Variants in PLEKHG7 observed in about 807,000 individuals in gnomAD.
PLEKHG7 encodes the protein pleckstrin homology and RhoGEF domain containing G7, also known as pleckstrin homology domain-containing family G member 7.
A neutral mutation model predicts 85.2 loss-of-function variants in PLEKHG7; 77 were observed. That is an observed-to-expected ratio of 0.90 (90% CI 0.75 to 1.09). PLEKHG7 has a LOEUF of 1.09. PLEKHG7 is among the 50% of genes least tolerant of loss of function. The probability of loss-of-function intolerance (pLI) is 0.00; values close to 1 mark genes in which losing one functional copy is unlikely to be tolerated. For synonymous variants in PLEKHG7, 301 were observed against 302.4 expected (o/e 1.00, Z 0.05); for missense variants, 777 against 804.3 (o/e 0.97, Z 0.41).
chr12:92,742,125 A>G (rs1872375486), intron 9 of PLEKHG7, among the ~76,000 whole-genome samples: 1 of 152,164 alleles, frequency 6.6e-6, no homozygotes, highest in East Asian at 1.9e-4. Context: ...TCTAATTTTA[A>G]TCTAATTTCA....
rs566163000 is a variant in PLEKHG7 at position 92,730,574 on chromosome 12, C to T, written c.658+1454C>T. On this transcript the variant is annotated intron_variant, in intron 4 of 16. Coordinates refer to ENST00000344636, the MANE Select transcript of PLEKHG7 (RefSeq NM_001377329.1). ...GAGTCTCACTCTGTGGCCACCACCA[C>T]GCCTGGCTAATTTTTTTGTACTTTT... 7.3e-4 allele frequency among the ~76,000 whole-genome samples: 111 copies of T among 152,282 alleles called. 2 individuals are homozygous for T. The highest frequency in any genetic ancestry group is 8.3e-4 in the South Asian group (4 of 4,824).
At chr12:92,737,326 T>C in intron 6 of PLEKHG7, 52 bp from the exon 7 acceptor site, 5 of 1,328,446 alleles carry the variant, frequency 3.8e-6, no homozygotes, top group Non-Finnish European at 4.8e-6. Context: ...AGCCAACAGG[T>C]CAATCCACTG....
chr12:92,736,151 T>C (rs1872139604), intron 5 of PLEKHG7, among the ~76,000 whole-genome samples: 1 of 152,146 alleles, frequency 6.6e-6, no homozygotes, highest in Non-Finnish European at 1.5e-5. Flanking sequence ...GTTAAGACTG[T>C]GAAGGCTATG....
chr12:92,741,581 G>A lies in PLEKHG7; in HGVS notation c.1126G>A (p.Val376Met), dbSNP rs370641297. The A allele has an allele frequency of 3.4e-5, 55 of 1,612,110 alleles. No individual in the cohort carries two copies. Among genetic ancestry groups the A allele is most frequent in the East Asian group, 1.3e-4 (6 of 44,784 alleles). Reference protein sequence around the residue: ...EISSSLDFISVLTKYFRGSLC... With the variant: ...EISSSLDFISMLTKYFRGSLC... ...TTCCTCATCACTGGATTTTATTTCC[G>A]TGCTCACAAAGGTAAACTCCTTCTG... The change falls in exon 9 of 17, where the codon GTG becomes ATG. Residue 376 changes from valine to methionine, a missense_variant. Around this residue, in one of 3 missense-constraint regions of PLEKHG7, gnomAD observed 520 missense variants for 544.0 expected, o/e 0.96. Coordinates refer to ENST00000344636, the MANE Select transcript of PLEKHG7 (RefSeq NM_001377329.1).
chr12:92,723,433 A>G (rs923437559), intron 3 of PLEKHG7, among the ~76,000 whole-genome samples: 2 of 152,214 alleles, frequency 1.3e-5, no homozygotes, highest in African/African-American at 4.8e-5. Context: ...ATTAGCACCT[A>G]CCAACACAAA....
intron 5 of PLEKHG7, among the ~76,000 whole-genome samples, chr12:92,736,126 C>A (rs928189642): frequency 6.6e-6 from 1 of 151,952 alleles, no homozygotes; most frequent in East Asian, 1.9e-4. Flanking sequence ...ATCTTAGGGT[C>A]CAGAGTTTGG....
intron 3 of PLEKHG7, among the ~76,000 whole-genome samples, chr12:92,714,433 G>A (rs917870338): frequency 6.6e-6 from 1 of 152,120 alleles, no homozygotes; most frequent in African/African-American, 2.4e-5. Context: ...TCCAATCAAT[G>A]CCCTCACTTT....
Position 92,707,635 on chromosome 12 carries a change from T to C in PLEKHG7, c.508-15T>C, listed in dbSNP as rs186968460. On this transcript the variant is annotated splice_polypyrimidine_tract_variant and intron_variant, in intron 2 of 16. Coordinates refer to ENST00000344636, the MANE Select transcript of PLEKHG7 (RefSeq NM_001377329.1). ...TGAGCAAGACTAAAACATATGTTCT[T>C]AAAATTTATTTCAGGGAGAAGAATT... 53 of 1,612,576 alleles carry C rather than the reference T, an allele frequency of 3.3e-5. No individual in the cohort carries two copies. In the African/African-American group the frequency reaches 6.3e-4, roughly 19 times the overall value.
chr12:92,768,902 C>G, intron 15 of PLEKHG7, 81 bp from the exon 16 acceptor site: 2 of 971,034 alleles, frequency 2.1e-6, no homozygotes, highest in Non-Finnish European at 3.0e-6. Context: ...AGAAAACAAA[C>G]CCCAGATTCT....
intron 9 of PLEKHG7, among the ~76,000 whole-genome samples, chr12:92,742,591 G>GT (rs35922583): frequency 0.79 from 112,674 of 143,118 alleles, 44,461 homozygotes; most frequent in East Asian, 0.94. Context: ...TTGTTGTTTA[G>GT]TTTTTTTTTT....
intron 10 of PLEKHG7, 52 bp from the exon 11 acceptor site, chr12:92,754,038 G>A (rs1466886258): frequency 1.3e-6 from 2 of 1,569,916 alleles, no homozygotes; most frequent in Non-Finnish European, 1.7e-6. Flanking sequence ...GCTTCTTAGT[G>A]GCTCAGTGGG....
In PLEKHG7 at chr12:92,755,944, CA is replaced by C. The variant is rs753310619; in HGVS notation, c.1542+14del. ...TAAAAGGTTTTTCATTCCAGAGGTACAAAAAAAAAATCAATTAGGACTTATG... is the reference window on the plus strand; with the variant it reads ...TAAAAGGTTTTTCATTCCAGAGGTACAAAAAAAAATCAATTAGGACTTATG... On this transcript the variant is annotated splice_donor_5th_base_variant and intron_variant, in intron 12 of 16. Transcript: ENST00000344636. 6,698 of 1,357,968 alleles carry C rather than the reference CA, an allele frequency of 4.9e-3. No individual in the cohort carries two copies. The highest frequency in any genetic ancestry group is 7.4e-3 in the South Asian group (512 of 69,652). The allele number at this position is 1,357,968 out of a possible 1,614,324, so 84.1% of individuals were successfully genotyped here. A position where few individuals can be genotyped will look rare whatever the true frequency, so the allele number is the denominator to read the frequency against.
intron 3 of PLEKHG7, among the ~76,000 whole-genome samples, chr12:92,718,508 A>G (rs1871551756): frequency 6.6e-6 from 1 of 152,240 alleles, no homozygotes. Flanking sequence ...TAGGTGTCCA[A>G]TAAATGTTTA....
In PLEKHG7 at chr12:92,706,610, A is replaced by T. The variant is rs1363561003; in HGVS notation, c.-22A>T. ...CATACGTCTTCTGGAACCTTCTACCAACAGTAGAACCTCTTAGCTTTATGG... is the reference window on the plus strand; with the variant it reads ...CATACGTCTTCTGGAACCTTCTACCTACAGTAGAACCTCTTAGCTTTATGG... On this transcript the variant is annotated 5_prime_UTR_variant, in exon 2 of 17. Coordinates refer to ENST00000344636, the MANE Select transcript of PLEKHG7 (RefSeq NM_001377329.1). 8.3e-6 allele frequency: 13 copies of T among 1,571,424 alleles called. No individual in the cohort carries two copies. The highest frequency in any genetic ancestry group is 1.4e-5 in the African/African-American group (1 of 73,164).
intron 9 of PLEKHG7, among the ~76,000 whole-genome samples, chr12:92,744,800 G>A (rs1487342058): frequency 1.3e-5 from 2 of 151,982 alleles, no homozygotes; most frequent in Non-Finnish European, 2.9e-5. Flanking sequence ...CAGATAGCTA[G>A]GACTACAGGC....
chr12:92,719,882 AAGG>A (rs1369219353), intron 3 of PLEKHG7, among the ~76,000 whole-genome samples: 1 of 152,198 alleles, frequency 6.6e-6, no homozygotes, highest in Non-Finnish European at 1.5e-5. Context: ...AGAAGGAGAG[AAGG>A]AGAATGATGC....
intron 10 of PLEKHG7, among the ~76,000 whole-genome samples, chr12:92,751,430 A>G (rs1399536426): frequency 3.3e-5 from 5 of 152,238 alleles, no homozygotes; most frequent in African/African-American, 1.2e-4. Context: ...CAGTGGTGCT[A>G]TCTTGGCTCA....
intron 15 of PLEKHG7, among the ~76,000 whole-genome samples, chr12:92,765,427 C>T (rs1317998673): frequency 2.6e-5 from 4 of 151,754 alleles, no homozygotes; most frequent in African/African-American, 7.3e-5. Context: ...GTCGGGAGCT[C>T]GAGACCAGCC....
rs138172115 is a variant in PLEKHG7 at position 92,703,729 on chromosome 12, T to C, written c.-162+597T>C. Reference sequence around the variant, plus strand: ...CCTGCTGTTTTTAAAGTTTCTCCATTTCCGCAGTGCATCATGTCGGCAGTT... The same window carrying C: ...CCTGCTGTTTTTAAAGTTTCTCCATCTCCGCAGTGCATCATGTCGGCAGTT... On this transcript the variant is annotated intron_variant, in intron 1 of 16. Transcript: ENST00000344636. Among the ~76,000 whole-genome samples, 586 of 152,356 alleles carry C rather than the reference T, an allele frequency of 3.8e-3. 2 individuals are homozygous for C. The highest frequency in any genetic ancestry group is 0.014 in the African/African-American group (567 of 41,576).
Sources: allele counts gnomAD v4.1 joint callset (sites outside exome capture counted in the v4.1 genomes callset), GRCh38; gene constraint gnomAD v4.1.1; regional missense constraint gnomAD v4.1.1; transcripts MANE v1.5; gene names NCBI Gene and HGNC (gene_info 2026-07-23, HGNC 2026-07-21).